ERBB4: variants seen among roughly 807,000 people sequenced by gnomAD.
ERBB4 encodes erb-b2 receptor tyrosine kinase 4.
ERBB4 carries 42 observed loss-of-function variants against 158.0 expected under a neutral mutation model. The observed-to-expected ratio is 0.27, with a 90% CI of 0.21 to 0.34. ERBB4 has a LOEUF of 0.34. Ranked by LOEUF, ERBB4 falls within the 10% of genes least tolerant of loss-of-function variation. ERBB4 has a pLI of 1.00. For missense variants in ERBB4, 1,333 were observed against 1,624.1 expected (o/e 0.82, Z 3.08); for synonymous variants, 583 against 558.7 (o/e 1.04, Z -0.61).
chr2:212,367,784 G>A (rs1244096323), intron 1 of ERBB4, among the ~76,000 whole-genome samples: 1 of 151,980 alleles, frequency 6.6e-6, no homozygotes, highest in South Asian at 2.1e-4. Context: ...GGCATGAATA[G>A]ACAATTTTCA....
intron 4 of ERBB4, among the ~76,000 whole-genome samples, chr2:211,763,895 T>TACACACACACAC (rs1432790905): frequency 3.1e-5 from 1 of 32,386 alleles, no homozygotes; most frequent in African/African-American, 1.5e-4. Flanking sequence ...TGTGCGTGTG[T>TACACACACACAC]ATACACACAC....
At chr2:212,312,789 TCTC>T (rs1184120043) in intron 1 of ERBB4, among the ~76,000 whole-genome samples, 2 of 150,840 alleles carry the variant, frequency 1.3e-5, no homozygotes, top group South Asian at 2.1e-4. Flanking sequence ...TTATTTTGCT[TCTC>T]CTCCTCCTCT....
Position 211,705,452 on chromosome 2 carries a change from G to T in ERBB4, c.1125-61C>A, listed in dbSNP as rs1575018950. The T allele has an allele frequency of 4.7e-6, 5 of 1,052,994 alleles. No individual in the cohort carries two copies. The East Asian group carries it at 1.2e-4, about 25-fold the overall frequency. 65.2% of individuals were successfully genotyped at this position (1,052,994 alleles called of 1,614,324 possible). On this transcript the variant is annotated intron_variant, in intron 9 of 27. Transcript: ENST00000342788. Reference sequence around the variant, plus strand: ...TTTTACTAAAGGATTGAAAATATGAGAAATGTGACAATATTTTATTCAAAT... The same window carrying T: ...TTTTACTAAAGGATTGAAAATATGATAAATGTGACAATATTTTATTCAAAT...
At chr2:211,855,963 A>C in intron 3 of ERBB4, among the ~76,000 whole-genome samples, 1 of 152,226 alleles carries the variant, frequency 6.6e-6, no homozygotes, top group Non-Finnish European at 1.5e-5. Context: ...AGGTGAATTT[A>C]GAAAATCTCA....
intron 13 of ERBB4, among the ~76,000 whole-genome samples, chr2:211,677,920 T>C (rs1574969563): frequency 2.0e-5 from 3 of 151,850 alleles, no homozygotes; most frequent in African/African-American, 7.3e-5. Context: ...AGAAAGAAAA[T>C]ACTTTCAGTG....
In ERBB4 at chr2:211,384,041, C is replaced by T. The variant is rs549128376; in HGVS notation, c.3501G>A (p.Glu1167=). 6 of 1,612,764 alleles carry T rather than the reference C, an allele frequency of 3.7e-6. No homozygotes were observed. The Admixed American group carries it at 8.3e-5, about 22-fold the overall frequency. Residue 1167 remains glutamate (E), a synonymous_variant, in exon 28 of 28, where the codon GAG becomes GAA. Transcript: ENST00000342788. ...KPKQEYLNPV[E]ENPFVSRRKN... ...TTCTCCGAGAAACAAAAGGGTTCTCCTCCACTGGATTCAGGTATTCTAAAG... is the reference window on the plus strand; with the variant it reads ...TTCTCCGAGAAACAAAAGGGTTCTCTTCCACTGGATTCAGGTATTCTAAAG...
chr2:212,331,075 C>CATATATATATATATATATACACGTAT (rs1553619158), intron 1 of ERBB4, among the ~76,000 whole-genome samples: 3 of 21,360 alleles, frequency 1.4e-4, no homozygotes, highest in Admixed American at 6.3e-4. Context: ...TATATATACA[C>CATATATATATATATATATACACGTAT]ATATATATAT....
intron 20 of ERBB4, among the ~76,000 whole-genome samples, chr2:211,507,092 C>T (rs896904374): frequency 6.6e-6 from 1 of 152,050 alleles, no homozygotes; most frequent in African/African-American, 2.4e-5. Context: ...TCTATGCACA[C>T]AAACTAGAAA....
chr2:211,773,213 G>T (rs940738090), intron 4 of ERBB4, among the ~76,000 whole-genome samples: 1 of 150,950 alleles, frequency 6.6e-6, no homozygotes, highest in Non-Finnish European at 1.5e-5. Flanking sequence ...GGCAGTAAGA[G>T]AATAAGACCA....
At chr2:211,864,786 T>TAA (rs1263469271) in intron 3 of ERBB4, among the ~76,000 whole-genome samples, 1 of 152,030 alleles carries the variant, frequency 6.6e-6, no homozygotes, top group Non-Finnish European at 1.5e-5. Flanking sequence ...GGCAACATGG[T>TAA]AAAACCCCGT....
At chr2:212,038,564 A>G (rs1285946582) in intron 2 of ERBB4, among the ~76,000 whole-genome samples, 1 of 152,100 alleles carries the variant, frequency 6.6e-6, no homozygotes, top group African/African-American at 2.4e-5. Context: ...GTGTGTTCTG[A>G]TTCTCAAAAC....
chr2:211,596,820 A>C (rs2068647052), intron 19 of ERBB4, among the ~76,000 whole-genome samples: 1 of 151,732 alleles, frequency 6.6e-6, no homozygotes, highest in Non-Finnish European at 1.5e-5. Context: ...CTTGGAGTGC[A>C]ATGGCACGAT....
Position 211,380,113 on chromosome 2 carries a change from T to C in ERBB4, c.*3502A>G, listed in dbSNP as rs1414593230. The stretch of plus-strand genomic sequence containing the variant: ...AAAAAAGAATCACTTGATTTTAGTT[T>C]GTGTGTTTTAATAGAAATTTGAGTT... On this transcript the variant is annotated 3_prime_UTR_variant, in exon 28 of 28. Coordinates refer to ENST00000342788, the MANE Select transcript of ERBB4 (RefSeq NM_005235.3). 8.6e-6 allele frequency: 2 copies of C among 232,056 alleles called. No homozygotes were observed. Among genetic ancestry groups the C allele is most frequent in the Non-Finnish European group, 1.7e-5 (2 of 117,434 alleles). 14.4% of individuals were successfully genotyped at this position (232,056 alleles called of 1,614,324 possible).
At chr2:211,852,769 A>T (rs1285186364) in intron 3 of ERBB4, among the ~76,000 whole-genome samples, 3 of 150,718 alleles carry the variant, frequency 2.0e-5, no homozygotes, top group Non-Finnish European at 3.0e-5. Context: ...AAGATGTTTC[A>T]TGTTTGTCCT....
rs535909638 is a variant in ERBB4, at chr2:211,888,914, A to G, written c.421+58516T>C. Among the ~76,000 whole-genome samples, 260 of 151,596 alleles carry G rather than the reference A, an allele frequency of 1.7e-3. 1 individual carries two copies. Among genetic ancestry groups the G allele is most frequent in the Non-Finnish European group, 3.0e-3 (202 of 67,922 alleles). ...GAGGGTCCTACGCCCACGGAGTCTC[A>G]CTGATTGCTAGCACAGCAGTCTGAG... On this transcript the variant is annotated intron_variant, in intron 3 of 27. Transcript: ENST00000342788.
chr2:212,427,015 G>A (rs544821335), intron 1 of ERBB4, among the ~76,000 whole-genome samples: 15 of 152,188 alleles, frequency 9.9e-5, no homozygotes, highest in African/African-American at 3.6e-4. Context: ...TTACTTAATA[G>A]TATCTTCTTG....
At chr2:211,702,487 C>T (rs1416079844) in intron 11 of ERBB4, among the ~76,000 whole-genome samples, 1 of 152,086 alleles carries the variant, frequency 6.6e-6, no homozygotes, top group Non-Finnish European at 1.5e-5. Context: ...TGATGAAATC[C>T]TGTATTAACA....
At chr2:212,252,991 T>C (rs1449416921) in intron 1 of ERBB4, among the ~76,000 whole-genome samples, 1 of 152,044 alleles carries the variant, frequency 6.6e-6, no homozygotes, top group Non-Finnish European at 1.5e-5. Flanking sequence ...TTTGCATTTC[T>C]TCTAATATTC....
At chr2:212,081,714 C>A (rs2078448707) in intron 2 of ERBB4, among the ~76,000 whole-genome samples, 2 of 152,122 alleles carry the variant, frequency 1.3e-5, no homozygotes, top group South Asian at 4.1e-4. Flanking sequence ...GTCAAATGGG[C>A]ACCGACTGTA....
Sources: allele counts gnomAD v4.1 joint callset (sites outside exome capture counted in the v4.1 genomes callset), GRCh38; gene constraint gnomAD v4.1.1; transcripts MANE v1.5; gene names NCBI Gene and HGNC (gene_info 2026-07-23, HGNC 2026-07-21).